The following DPEP3 variants were observed in gnomAD, a reference collection of about 807,000 sequenced individuals.
The protein encoded by DPEP3 is dipeptidase 3, also known as membrane-bound dipeptidase 3.
DPEP3 carries 42 observed loss-of-function variants against 47.5 expected under a neutral mutation model. The ratio of observed to expected loss-of-function variants is 0.88; its 90% confidence interval spans 0.69 to 1.14. The LOEUF (loss-of-function observed/expected upper bound fraction) is 1.14. Ranked by LOEUF, DPEP3 falls within the 50% of genes most tolerant of loss-of-function variation. The probability of loss-of-function intolerance (pLI) is 0.00; values close to 1 mark genes in which losing one functional copy is unlikely to be tolerated. For missense variants in DPEP3, 560 were observed against 635.0 expected (o/e 0.88, Z 1.27); for synonymous variants, 276 against 270.2 (o/e 1.02, Z -0.21).
chr16:67,976,662 G>A (rs1195908041), intron 8 of DPEP3, 38 bp downstream of exon 8: 1 of 1,597,934 alleles, frequency 6.3e-7, no homozygotes, highest in Admixed American at 1.7e-5. Flanking sequence ...ACTCCCTGCT[G>A]CACCCCAGCC....
At chr16:67,977,564 G>A in intron 6 of DPEP3, 89 bp downstream of exon 6, 2 of 1,462,464 alleles carry the variant, frequency 1.4e-6, no homozygotes, top group Admixed American at 2.1e-5. Flanking sequence ...GTCCAAGGGT[G>A]TGTGAAACCT....
rs766799929 is a variant in DPEP3 at position 67,976,218 on chromosome 16, CCT to C, written c.1103_1104del (p.Gln368ArgfsTer19). 1.9e-6 allele frequency: 3 copies of C among 1,614,136 alleles called. No homozygotes were observed. Among genetic ancestry groups the C allele is most frequent in the Non-Finnish European group, 2.5e-6 (3 of 1,180,008 alleles). ...GNYDGTGRFP[Q>X]GLEDVSTYPV... ...GGGTATGTGGACACATCCTCCAGCC[CCT>C]GAGGGAACCTGTGTGGCCACCCACC... On this transcript the variant is annotated frameshift_variant, in exon 9 of 10. Coordinates refer to ENST00000268793, the MANE Select transcript of DPEP3 (RefSeq NM_001370198.1). LOFTEE classifies it high-confidence loss of function.
intron 8 of DPEP3, 65 bp from the exon 9 acceptor site, chr16:67,976,293 C>T: frequency 6.3e-7 from 1 of 1,596,330 alleles, no homozygotes; most frequent in Non-Finnish European, 8.5e-7. Flanking sequence ...GGCCCGCTGC[C>T]CACCAGCCCT....
rs918299098 is a variant in DPEP3 at position 67,980,227 on chromosome 16, G to A, written c.154C>T (p.Pro52Ser). ...ACACCCGGCGTGGTGAAGAGGCTGG[G>A]GGAGCCCAGCGTGGAGAGGGCTCTG... Reference protein sequence around the residue: ...APRALSTLGSPSLFTTPGVPS... With the variant: ...APRALSTLGSSSLFTTPGVPS... The change falls in exon 1 of 10, where the codon CCC becomes TCC. Residue 52 changes from proline (P) to serine (S), a missense_variant. Physicochemically the swap from Pro to Ser is moderately conservative, Grantham distance 74. Coordinates refer to ENST00000268793, the MANE Select transcript of DPEP3 (RefSeq NM_001370198.1). 1 of 1,609,602 alleles carries A rather than the reference G, an allele frequency of 6.2e-7. No homozygotes were observed. The highest frequency in any genetic ancestry group is 8.5e-7 in the Non-Finnish European group (1 of 1,178,130).
chr16:67,977,896 G>A (rs373778050), intron 5 of DPEP3, 42 bp downstream of exon 5: 464 of 1,613,888 alleles, frequency 2.9e-4, no homozygotes, highest in Non-Finnish European at 3.7e-4. Context: ...ACACATATCC[G>A]TAGGCAGCAG....
rs768090289 is a variant in DPEP3, at chr16:67,979,813, G to GAT, written c.288-50_288-49dup. ...GAAACACCGCCTCCAGATCAGTCAG[G>GAT]ATATATCAGGTGCTTGGGTCTACCC... On this transcript the variant is annotated intron_variant, in intron 1 of 9. Coordinates refer to ENST00000268793, the MANE Select transcript of DPEP3 (RefSeq NM_001370198.1). 48 of 1,607,854 alleles carry GAT rather than the reference G, an allele frequency of 3.0e-5. 2 individuals are homozygous for GAT. In the South Asian group the frequency reaches 4.9e-4, roughly 16 times the overall value.
Position 67,978,666 on chromosome 16 carries a change from G to A in DPEP3, c.415-40C>T. On this transcript the variant is annotated intron_variant, in intron 2 of 9. Coordinates refer to ENST00000268793, the MANE Select transcript of DPEP3 (RefSeq NM_001370198.1). The surrounding 1 kb of genome is among the most constrained non-coding windows in gnomAD (Gnocchi z 4.4). ...AGGGGTCCAGAATGAGGCCAGGGCG[G>A]TCTTCAACCCCCTAGGCCTGCCACT... 6.2e-7 allele frequency: 1 copy of A among 1,608,804 alleles called. No individual in the cohort carries two copies. The highest frequency in any genetic ancestry group is 8.5e-7 in the Non-Finnish European group (1 of 1,177,516).
rs1425209357 is a variant in DPEP3 at position 67,978,585 on chromosome 16, A to C, written c.456T>G (p.Thr152=). 4 of 1,613,818 alleles carry C rather than the reference A, an allele frequency of 2.5e-6. No individual in the cohort carries two copies. Among genetic ancestry groups the C allele is most frequent in the Admixed American group, 1.7e-5 (1 of 59,986 alleles). The change falls in exon 3 of 10, where the codon ACT becomes ACG. Residue 152 remains threonine, a synonymous_variant. Coordinates refer to ENST00000268793, the MANE Select transcript of DPEP3 (RefSeq NM_001370198.1). The surrounding 1 kb of genome is among the most constrained non-coding windows in gnomAD (Gnocchi z 4.4). The stretch of plus-strand genomic sequence containing the variant: ...TCTGCTCCAGGGCGAGGCGCACGGC[A>C]GTCTGGTCCTGGGACTGGCATGAGA... ...ASVSCQSQDQ[T]AVRLALEQID...
Position 67,978,997 on chromosome 16 carries a change from C to G in DPEP3, c.415-371G>C, listed in dbSNP as rs2031263019. ...GCTGCCAGCAGTCAAATGATGGACT[C>G]ACGACACATCATAAATTACTGTTAC... is the stretch of plus-strand genomic sequence containing the variant. On this transcript the variant is annotated intron_variant, in intron 2 of 9. Transcript: ENST00000268793. The surrounding 1 kb of genome is among the most constrained non-coding windows in gnomAD (Gnocchi z 4.4). Among the ~76,000 whole-genome samples the G allele has an allele frequency of 6.6e-6, 1 of 152,092 alleles. No individual in the cohort carries two copies. Among genetic ancestry groups the G allele is most frequent in the African/African-American group, 2.4e-5 (1 of 41,414 alleles).
Position 67,975,962 on chromosome 16 carries a change from C to T in DPEP3, c.1270G>A (p.Glu424Lys), listed in dbSNP as rs1478534559. 6 of 1,613,908 alleles carry T rather than the reference C, an allele frequency of 3.7e-6. No homozygotes were observed. ...ESRAQSPVEAEFPYGQLSTSC... is the reference protein window; with the variant it reads ...ESRAQSPVEAKFPYGQLSTSC... ...GTGCTCAGTTGCCCATATGGAAACT[C>T]AGCCTCCACGGGGCTCTGCGCCCTG... The change falls in exon 10 of 10, where the codon GAG becomes AAG. Residue 424 changes from glutamate (E) to lysine (K), a missense_variant. Physicochemically the swap from Glu to Lys is moderately conservative, Grantham distance 56 (BLOSUM62 1). Coordinates refer to ENST00000268793, the MANE Select transcript of DPEP3 (RefSeq NM_001370198.1).
In DPEP3 at chr16:67,980,226, G is replaced by C. The variant is rs769016492; in HGVS notation, c.155C>G (p.Pro52Arg). The C allele has an allele frequency of 2.5e-6, 4 of 1,609,650 alleles. No homozygotes were observed. The highest frequency in any genetic ancestry group is 3.4e-6 in the Non-Finnish European group (4 of 1,178,132). ...APRALSTLGS[P>R]SLFTTPGVPS... ...GACACCCGGCGTGGTGAAGAGGCTG[G>C]GGGAGCCCAGCGTGGAGAGGGCTCT... is the stretch of plus-strand genomic sequence containing the variant. Residue 52 changes from proline (P) to arginine (R), a missense_variant, in exon 1 of 10, where the codon CCC becomes CGC. By Grantham distance (103) the Pro-to-Arg change is moderately radical. Coordinates refer to ENST00000268793, the MANE Select transcript of DPEP3 (RefSeq NM_001370198.1).
At chr16:67,979,402 C>G (rs572776829) in intron 2 of DPEP3, among the ~76,000 whole-genome samples, 1 of 152,224 alleles carries the variant, frequency 6.6e-6, no homozygotes, top group Non-Finnish European at 1.5e-5. Context: ...GTGGTTACGG[C>G]AGACCCCACA....
intron 9 of DPEP3, 32 bp from the exon 10 acceptor site, chr16:67,976,033 C>G: frequency 6.2e-7 from 1 of 1,613,580 alleles, no homozygotes; most frequent in Non-Finnish European, 8.5e-7. Flanking sequence ...CAGAGGCTCC[C>G]ACAGCAATCC....
At chr16:67,977,468 G>T in intron 6 of DPEP3, 114 bp from the exon 7 acceptor site, 1 of 1,286,962 alleles carries the variant, frequency 7.8e-7, no homozygotes, top group Non-Finnish European at 1.1e-6. Context: ...GTTGGAAGAG[G>T]CTTCACCTCT....
At position 67,980,098 on chromosome 16, in the gene DPEP3, C is replaced by T. The variant is rs564053492; in HGVS notation, c.283G>A (p.Asp95Asn). 1 of 1,610,396 alleles carries T rather than the reference C, an allele frequency of 6.2e-7. No individual in the cohort carries two copies. Among genetic ancestry groups the T allele is most frequent in the Admixed American group, 1.7e-5 (1 of 59,324 alleles). The change falls in exon 1 of 10, where the codon GAC becomes AAC. Residue 95 changes from aspartate to asparagine, a missense_variant. Transcript: ENST00000268793. Reference sequence around the variant, plus strand: ...CCAAACGCTGCACCTACATACCCGTCCACGAGTGGGAAACTCCGCATCAGG... The same window carrying T: ...CCAAACGCTGCACCTACATACCCGTTCACGAGTGGGAAACTCCGCATCAGG... ...QALMRSFPLVDGHNDLPQVLR... is the reference protein window; with the variant it reads ...QALMRSFPLVNGHNDLPQVLR...
Position 67,975,894 on chromosome 16 carries a change from A to C in DPEP3, c.1338T>G (p.Ala446=). 6.2e-7 allele frequency: 1 copy of C among 1,613,894 alleles called. No homozygotes were observed. Among genetic ancestry groups the C allele is most frequent in the Non-Finnish European group, 8.5e-7 (1 of 1,179,848 alleles). The part of the protein sequence containing the change: ...SHLVPQNGHQ[A]THLEVTKQPT... ...GCTGCTTGGTCACCTCCAGATGAGT[A>C]GCCTGGTGTCCATTCTGAGGCACGA... is the stretch of plus-strand genomic sequence containing the variant. Residue 446 remains alanine (A), a synonymous_variant, in exon 10 of 10, where the codon GCT becomes GCG. Coordinates refer to ENST00000268793, the MANE Select transcript of DPEP3 (RefSeq NM_001370198.1).
At chr16:67,976,353 A>G (rs1173842745) in intron 8 of DPEP3, 125 bp from the exon 9 acceptor site, 5 of 1,333,004 alleles carry the variant, frequency 3.8e-6, no homozygotes, top group Non-Finnish European at 5.1e-6. Flanking sequence ...AGTGAATGCA[A>G]CCTTGGAGGC....
At chr16:67,976,258 G>A (rs186404684) in intron 8 of DPEP3, 30 bp from the exon 9 acceptor site, 19,583 of 1,613,054 alleles carry the variant, frequency 0.012, 309 homozygotes, top group Admixed American at 0.066. Flanking sequence ...CCAGCTGTGG[G>A]ACCTTAGCCC....
intron 8 of DPEP3, 73 bp downstream of exon 8, chr16:67,976,627 T>A: frequency 1.4e-6 from 2 of 1,438,230 alleles, no homozygotes; most frequent in South Asian, 2.4e-5. Context: ...TGGGAGGACG[T>A]CAGGATGGGA....
Sources: gnomAD v4.1 joint callset for allele counts (sites outside exome capture counted in the v4.1 genomes callset) on GRCh38, gnomAD v4.1.1 for gene constraint, Gnocchi (gnomAD v3.1) non-coding constraint, MANE v1.5 for transcripts, NCBI Gene and HGNC (gene_info 2026-07-23, HGNC 2026-07-21) for gene names.